CHST11: variants seen among roughly 807,000 people sequenced by gnomAD.
CHST11 encodes the protein carbohydrate sulfotransferase 11.
In CHST11, 9 loss-of-function variants were observed where a neutral mutation model predicts 30.4. The ratio of observed to expected loss-of-function variants is 0.30; its 90% CI spans 0.18 to 0.52. The LOEUF (loss-of-function observed/expected upper bound fraction) is 0.52. Ranked by LOEUF, CHST11 falls within the 20% of genes least tolerant of loss-of-function variation. CHST11 has a pLI of 0.97. For synonymous variants in CHST11, 152 were observed against 187.8 expected, an observed-to-expected ratio of 0.81 and a Z score of 1.56; for missense variants, 348 against 460.6, an observed-to-expected ratio of 0.76 and a Z score of 2.24.
intron 2 of CHST11, among the ~76,000 whole-genome samples, chr12:104,607,493 A>G (rs1056797082): frequency 2.3e-4 from 35 of 152,176 alleles, no homozygotes; most frequent in African/African-American, 6.8e-4. Context: ...TTGCAAAGTT[A>G]TGAGAGAATC....
intron 2 of CHST11, among the ~76,000 whole-genome samples, chr12:104,634,566 C>T (rs1453209998): frequency 6.6e-6 from 1 of 152,234 alleles, no homozygotes; most frequent in Non-Finnish European, 1.5e-5. Flanking sequence ...TCGAGGGTCT[C>T]TCCCCTCTTC....
At chr12:104,621,394 G>A (rs779498118) in intron 2 of CHST11, among the ~76,000 whole-genome samples, 1 of 152,350 alleles carries the variant, frequency 6.6e-6, no homozygotes, top group South Asian at 2.1e-4. Flanking sequence ...CTACAGTCAC[G>A]GCTTCCCAAG....
At chr12:104,492,248 C>T (rs2037754800) in intron 1 of CHST11, among the ~76,000 whole-genome samples, 1 of 152,186 alleles carries the variant, frequency 6.6e-6, no homozygotes, top group Non-Finnish European at 1.5e-5. Context: ...GGGCACCCAC[C>T]ACTACACCCA....
intron 1 of CHST11, among the ~76,000 whole-genome samples, chr12:104,459,269 C>CA (rs879624862): frequency 6.6e-6 from 1 of 152,178 alleles, no homozygotes; most frequent in Non-Finnish European, 1.5e-5. Flanking sequence ...AGGGGTATCT[C>CA]AGAGTGCCAA....
At chr12:104,531,084 C>T (rs1212287373) in intron 1 of CHST11, among the ~76,000 whole-genome samples, 3 of 152,204 alleles carry the variant, frequency 2.0e-5, no homozygotes, top group East Asian at 1.9e-4. Context: ...CTCTTCCCTT[C>T]TCCTTTCTAA....
In CHST11 at chr12:104,607,889, G is replaced by A. The variant is rs141321864; in HGVS notation, c.204+5898G>A. On this transcript the variant is annotated intron_variant, in intron 2 of 2. Coordinates refer to ENST00000303694, the MANE Select transcript of CHST11 (RefSeq NM_018413.6). ...TTATAACCTAGCTTCTCCTTTGGCC[G>A]CTTGCTAACTGTGGGGCTTCTCCAG... 2.7e-3 allele frequency among the ~76,000 whole-genome samples: 410 copies of A among 152,240 alleles called. 3 individuals are homozygous for A. The highest frequency in any genetic ancestry group is 9.3e-3 in the African/African-American group (388 of 41,540).
chr12:104,458,300 T>C lies in CHST11; in HGVS notation c.118+771T>C, dbSNP rs1016157052. Among the ~76,000 whole-genome samples, 3 of 152,182 alleles carry C rather than the reference T, an allele frequency of 2.0e-5. No homozygotes were observed. The highest frequency in any genetic ancestry group is 2.9e-5 in the Non-Finnish European group (2 of 68,020). ...GACCACTGCAGTTTTGGAGGAAACT[T>C]TGGCCAGGTCCTGGGCTGACCGTCC... is the stretch of plus-strand genomic sequence containing the variant. On this transcript the variant is annotated intron_variant, in intron 1 of 2. Transcript: ENST00000303694. The surrounding 1 kb of genome is among the most constrained non-coding windows in gnomAD (Gnocchi z 5.7).
chr12:104,506,679 C>T (rs974614727), intron 1 of CHST11, among the ~76,000 whole-genome samples: 11 of 152,118 alleles, frequency 7.2e-5, no homozygotes, highest in African/African-American at 2.7e-4. Flanking sequence ...TTCTGGTGTC[C>T]GACAGAGATG....
At chr12:104,557,648 C>T (rs1339649664) in intron 1 of CHST11, among the ~76,000 whole-genome samples, 1 of 151,888 alleles carries the variant, frequency 6.6e-6, no homozygotes, top group Non-Finnish European at 1.5e-5. Context: ...GAGGAGGGAA[C>T]ATTTGTTGAG....
At chr12:104,626,610 A>G (rs2039217421) in intron 2 of CHST11, among the ~76,000 whole-genome samples, 1 of 150,378 alleles carries the variant, frequency 6.6e-6, no homozygotes, top group African/African-American at 2.4e-5. Context: ...TGGTCAAAAT[A>G]TACTTGTGCA....
At chr12:104,604,187 C>G (rs768657398) in intron 2 of CHST11, among the ~76,000 whole-genome samples, 1 of 152,120 alleles carries the variant, frequency 6.6e-6, no homozygotes, top group Non-Finnish European at 1.5e-5. Context: ...CTCTTCCTTC[C>G]GGTAGTGTTC....
chr12:104,702,245 A>G (rs1028038581), intron 2 of CHST11, among the ~76,000 whole-genome samples: 6 of 152,254 alleles, frequency 3.9e-5, no homozygotes, highest in African/African-American at 1.4e-4. Context: ...TTGATAAATA[A>G]TAATAATAAT....
At chr12:104,690,031 A>G (rs965076890) in intron 2 of CHST11, among the ~76,000 whole-genome samples, 6 of 152,218 alleles carry the variant, frequency 3.9e-5, no homozygotes, top group African/African-American at 1.4e-4. Flanking sequence ...CAATTTGTCT[A>G]ATATCAATTG....
intron 2 of CHST11, among the ~76,000 whole-genome samples, chr12:104,650,316 C>A (rs529006276): frequency 6.6e-6 from 1 of 152,198 alleles, no homozygotes. Flanking sequence ...GACTTTGGCC[C>A]AACTCTTGTG....
At position 104,676,664 on chromosome 12, in the gene CHST11, A is replaced by G. The variant is rs1293936985; in HGVS notation, c.204+74673A>G. Reference sequence around the variant, plus strand: ...TCCTGACCTTGTGATCGGCCTCCCAAAGTGTTGGGATTACAGGCATGAGCC... The same window carrying G: ...TCCTGACCTTGTGATCGGCCTCCCAGAGTGTTGGGATTACAGGCATGAGCC... On this transcript the variant is annotated intron_variant, in intron 2 of 2. Transcript: ENST00000303694. The surrounding 1 kb of genome is among the most constrained non-coding windows in gnomAD (Gnocchi z 4.4). 6.6e-6 allele frequency among the ~76,000 whole-genome samples: 1 copy of G among 151,990 alleles called. No individual in the cohort carries two copies. The highest frequency in any genetic ancestry group is 2.4e-5 in the African/African-American group (1 of 41,374).
intron 1 of CHST11, among the ~76,000 whole-genome samples, chr12:104,574,469 A>C (rs1374429835): frequency 6.6e-6 from 1 of 152,236 alleles, no homozygotes; most frequent in African/African-American, 2.4e-5. Context: ...CAAATGTCCA[A>C]CAATGATAGA....
At chr12:104,686,191 C>A (rs183896902) in intron 2 of CHST11, among the ~76,000 whole-genome samples, 3 of 135,692 alleles carry the variant, frequency 2.2e-5, no homozygotes, top group African/African-American at 7.9e-5. Context: ...ATGGTCCCAC[C>A]ACTGCACTTC....
intron 1 of CHST11, among the ~76,000 whole-genome samples, chr12:104,476,656 A>G (rs761730391): frequency 6.6e-6 from 1 of 152,022 alleles, no homozygotes; most frequent in Non-Finnish European, 1.5e-5. Flanking sequence ...GAGGTTATAA[A>G]CCTTTGAAGG....
At chr12:104,571,460 C>T (rs748872835) in intron 1 of CHST11, among the ~76,000 whole-genome samples, 16 of 152,172 alleles carry the variant, frequency 1.1e-4, no homozygotes, top group Admixed American at 2.0e-4. Flanking sequence ...CTGCACCCGG[C>T]GACAGACAAT....
Sources: allele counts gnomAD v4.1 joint callset (sites outside exome capture counted in the v4.1 genomes callset), GRCh38; gene constraint gnomAD v4.1.1; non-coding constraint Gnocchi (gnomAD v3.1); transcripts MANE v1.5; gene names NCBI Gene and HGNC (gene_info 2026-07-23, HGNC 2026-07-21).